The following TYW1 variants were observed in gnomAD, a reference collection of about 807,000 sequenced individuals.
TYW1 encodes the protein tRNA-yW synthesizing protein 1 homolog.
In TYW1, 46 loss-of-function variants were observed where a neutral mutation model predicts 96.2. The observed-to-expected ratio is 0.48, with a 90% CI of 0.38 to 0.61. The LOEUF (loss-of-function observed/expected upper bound fraction) is 0.61. Among genes scored for constraint, TYW1 ranks in the 20% least tolerant of loss-of-function variants. TYW1 has a pLI of 0.00. For synonymous variants in TYW1, 274 were observed against 323.0 expected, an observed-to-expected ratio of 0.85 and a Z score of 1.63; for missense variants, 684 against 909.6, an observed-to-expected ratio of 0.75 and a Z score of 3.19.
At chr7:67,128,791 C>G (rs754113250) in intron 13 of TYW1, among the ~76,000 whole-genome samples, 4 of 151,098 alleles carry the variant, frequency 2.6e-5, no homozygotes, top group Non-Finnish European at 4.4e-5. Flanking sequence ...CAGGTTCAAG[C>G]AATTCTCCTG....
chr7:67,029,416 T>TATATACATATATATATATATAC (rs1794591352), intron 7 of TYW1, among the ~76,000 whole-genome samples: 1 of 97,616 alleles, frequency 1.0e-5, no homozygotes, highest in African/African-American at 4.7e-5. Context: ...TGTGTGTGTG[T>TATATACATATATATATATATAC]ATATATATAT....
At chr7:67,023,835 C>T (rs1276383370) in intron 6 of TYW1, among the ~76,000 whole-genome samples, 2 of 152,118 alleles carry the variant, frequency 1.3e-5, no homozygotes, top group Non-Finnish European at 2.9e-5. Flanking sequence ...CTGCCTTATC[C>T]TCAATTGGAG....
intron 12 of TYW1, among the ~76,000 whole-genome samples, chr7:67,106,089 G>T (rs983876577): frequency 6.6e-5 from 10 of 151,996 alleles, no homozygotes; most frequent in Non-Finnish European, 1.5e-4. Flanking sequence ...TAGAGACAGG[G>T]TTTCTCCATG....
At chr7:67,023,874 T>C (rs7806639) in intron 6 of TYW1, among the ~76,000 whole-genome samples, 51,311 of 152,114 alleles carry the variant, frequency 0.34, 8,856 homozygotes, top group East Asian at 0.53. Context: ...ACGTATTAGC[T>C]GTGATTTCTT....
rs1801996660 is a variant in TYW1 at position 67,239,495 on chromosome 7, A to G, written c.*966A>G. On this transcript the variant is annotated 3_prime_UTR_variant, in exon 16 of 16. Transcript: ENST00000359626. ...TCTTTTATGCAAAAATTGAATTAAT[A>G]AAATAATCTTTTGTAAAGACTTGCA... is the stretch of plus-strand genomic sequence containing the variant. 1 of 796,840 alleles carries G rather than the reference A, an allele frequency of 1.3e-6. No individual in the cohort carries two copies. The highest frequency in any genetic ancestry group is 5.7e-5 in the South Asian group (1 of 17,452). The allele number at this position is 796,840 out of a possible 1,614,324, so 49.4% of individuals were successfully genotyped here.
intron 10 of TYW1, among the ~76,000 whole-genome samples, chr7:67,074,574 G>A (rs1195570337): frequency 1.3e-5 from 2 of 152,094 alleles, no homozygotes; most frequent in Non-Finnish European, 2.9e-5. Context: ...TGGTAAAGAA[G>A]GACTAATATA....
At chr7:66,997,214 T>G (rs13312520) in intron 1 of TYW1, among the ~76,000 whole-genome samples, 132 of 152,284 alleles carry the variant, frequency 8.7e-4, no homozygotes, top group Non-Finnish European at 1.2e-3. Context: ...CCACTTTACC[T>G]ACGTGTATTA....
At chr7:67,164,194 T>C (rs1375359335) in intron 13 of TYW1, among the ~76,000 whole-genome samples, 1 of 152,198 alleles carries the variant, frequency 6.6e-6, no homozygotes, top group East Asian at 1.9e-4. Flanking sequence ...TATAAGTTTG[T>C]TTTCAGCTTT....
At chr7:67,137,735 T>A (rs1241627205) in intron 13 of TYW1, among the ~76,000 whole-genome samples, 1 of 136,326 alleles carries the variant, frequency 7.3e-6, no homozygotes, top group East Asian at 2.0e-4. Flanking sequence ...AAGACCTAAT[T>A]AAAAAAAAAT....
intron 13 of TYW1, among the ~76,000 whole-genome samples, chr7:67,175,276 A>G (rs1799637204): frequency 6.6e-6 from 1 of 150,548 alleles, no homozygotes; most frequent in African/African-American, 2.5e-5. Context: ...GGCTCAAGTG[A>G]TTCTCGTGCC....
chr7:67,222,880 T>C (rs1309223294), intron 15 of TYW1, among the ~76,000 whole-genome samples: 2 of 150,650 alleles, frequency 1.3e-5, no homozygotes, highest in African/African-American at 4.9e-5. Context: ...TTTTTTTTTT[T>C]TTTTTGCTAT....
At chr7:67,027,169 C>T (rs1376109571) in intron 7 of TYW1, among the ~76,000 whole-genome samples, 6 of 151,106 alleles carry the variant, frequency 4.0e-5, no homozygotes, top group South Asian at 2.1e-4. Flanking sequence ...CACTGCACCC[C>T]GGCCTGCATG....
intron 15 of TYW1, among the ~76,000 whole-genome samples, chr7:67,219,411 G>A (rs1253804324): frequency 6.6e-6 from 1 of 152,136 alleles, no homozygotes; most frequent in Admixed American, 6.5e-5. Context: ...TGAATGAGTT[G>A]AAAGTATTCC....
intron 7 of TYW1, among the ~76,000 whole-genome samples, chr7:67,026,680 C>T (rs1794464621): frequency 6.6e-6 from 1 of 151,716 alleles, no homozygotes; most frequent in South Asian, 2.1e-4. Context: ...GCCACCACAC[C>T]CAGCCAGGTC....
At chr7:67,032,116 C>T (rs1794689822) in intron 7 of TYW1, among the ~76,000 whole-genome samples, 1 of 151,920 alleles carries the variant, frequency 6.6e-6, no homozygotes, top group African/African-American at 2.4e-5. Context: ...TGAGAAAATC[C>T]AAAAGCATTT....
intron 13 of TYW1, among the ~76,000 whole-genome samples, chr7:67,118,880 A>G (rs1375349981): frequency 1.2e-4 from 7 of 59,268 alleles, no homozygotes; most frequent in African/African-American, 1.2e-3. Context: ...CCCTATCTGA[A>G]AAAAAAAAAA....
intron 13 of TYW1, among the ~76,000 whole-genome samples, chr7:67,164,336 G>A (rs1179175377): frequency 5.9e-5 from 9 of 152,136 alleles, no homozygotes; most frequent in Non-Finnish European, 2.9e-5. Context: ...GCAGCCAGGT[G>A]TTATAGCTAA....
intron 2 of TYW1, among the ~76,000 whole-genome samples, chr7:66,998,417 G>A (rs1793268078): frequency 6.6e-6 from 1 of 152,074 alleles, no homozygotes; most frequent in Admixed American, 6.6e-5. Flanking sequence ...TAAGATACAG[G>A]AAGATTTTTG....
chr7:67,101,219 A>G (rs56106251), intron 12 of TYW1, among the ~76,000 whole-genome samples: 41,852 of 151,914 alleles, frequency 0.28, 6,546 homozygotes, highest in African/African-American at 0.43. Flanking sequence ...AGTGTATGAG[A>G]GTGAAGTTTG....
Sources: gnomAD v4.1 joint callset for allele counts (sites outside exome capture counted in the v4.1 genomes callset) on GRCh38, gnomAD v4.1.1 for gene constraint, MANE v1.5 for transcripts, NCBI Gene and HGNC (gene_info 2026-07-23, HGNC 2026-07-21) for gene names.